PCSK2: variants seen among roughly 807,000 people sequenced by gnomAD.
PCSK2 encodes neuroendocrine convertase 2.
Under a neutral mutation model 69.7 loss-of-function variants are expected in PCSK2, and 14 were observed. That is an observed-to-expected ratio of 0.20 (90% CI 0.13 to 0.31). PCSK2 has a LOEUF of 0.31. Among genes scored for constraint, PCSK2 ranks in the 10% least tolerant of loss-of-function variants. The pLI, the probability that PCSK2 is intolerant of heterozygous loss-of-function variation, is 1.00. For synonymous variants in PCSK2, 307 were observed against 320.7 expected, an observed-to-expected ratio of 0.96 and a Z score of 0.46; for missense variants, 544 against 842.5, an observed-to-expected ratio of 0.65 and a Z score of 4.39.
intron 11 of PCSK2, among the ~76,000 whole-genome samples, chr20:17,471,688 C>A (rs898903800): frequency 6.6e-6 from 1 of 152,224 alleles, no homozygotes; most frequent in African/African-American, 2.4e-5. Flanking sequence ...CACCCCCACA[C>A]CAGAACTTGT....
intron 11 of PCSK2, among the ~76,000 whole-genome samples, chr20:17,478,558 T>C (rs2033333173): frequency 6.6e-6 from 1 of 152,208 alleles, no homozygotes; most frequent in South Asian, 2.1e-4. Flanking sequence ...TTAATCATAG[T>C]TGTTACTATG....
At chr20:17,443,875 T>A (rs574938708) in intron 8 of PCSK2, among the ~76,000 whole-genome samples, 39 of 152,350 alleles carry the variant, frequency 2.6e-4, no homozygotes, top group African/African-American at 8.7e-4. Flanking sequence ...AGCAAGTACA[T>A]CTTTTAGAAA....
intron 5 of PCSK2, among the ~76,000 whole-genome samples, chr20:17,396,920 C>T (rs899433891): frequency 6.6e-6 from 1 of 152,164 alleles, no homozygotes; most frequent in Non-Finnish European, 1.5e-5. Flanking sequence ...TCCAACCAGG[C>T]TGGAACAAGG....
At chr20:17,433,340 A>G (rs1028880820) in intron 7 of PCSK2, among the ~76,000 whole-genome samples, 2 of 152,268 alleles carry the variant, frequency 1.3e-5, no homozygotes, top group African/African-American at 4.8e-5. Context: ...CACTGTAAGT[A>G]CAATGACTAA....
At chr20:17,316,313 CG>C (rs201280982) in intron 2 of PCSK2, among the ~76,000 whole-genome samples, 2 of 152,172 alleles carry the variant, frequency 1.3e-5, no homozygotes, top group East Asian at 3.8e-4. Flanking sequence ...CCAAGGGTGC[CG>C]TCTGTTATCT....
rs184871306 is a variant in PCSK2, at chr20:17,447,925, T to G, written c.886-5817T>G. On this transcript the variant is annotated intron_variant, in intron 8 of 11. Transcript: ENST00000262545. ...CCCAATTTCACTTTCAAGCCCGTTC[T>G]TATACTTTGCATTTATATGTAAAAT... 4.6e-5 allele frequency among the ~76,000 whole-genome samples: 7 copies of G among 152,346 alleles called. No individual in the cohort carries two copies. The East Asian group carries it at 1.3e-3, about 29-fold the overall frequency.
At chr20:17,292,583 G>A (rs1442720625) in intron 2 of PCSK2, among the ~76,000 whole-genome samples, 2 of 152,050 alleles carry the variant, frequency 1.3e-5, no homozygotes, top group Non-Finnish European at 2.9e-5. Context: ...TCAAATATTT[G>A]GATTCAATTT....
At chr20:17,298,257 G>A (rs1401675458) in intron 2 of PCSK2, among the ~76,000 whole-genome samples, 2 of 152,128 alleles carry the variant, frequency 1.3e-5, no homozygotes, top group Non-Finnish European at 2.9e-5. Flanking sequence ...TAGAGGTGGG[G>A]TTTTTATGCT....
At chr20:17,300,589 G>A (rs1382702644) in intron 2 of PCSK2, among the ~76,000 whole-genome samples, 1 of 152,218 alleles carries the variant, frequency 6.6e-6, no homozygotes, top group African/African-American at 2.4e-5. Context: ...CCAACTCGCT[G>A]TCTCTCTGGA....
At chr20:17,443,488 C>A (rs1204584838) in intron 8 of PCSK2, among the ~76,000 whole-genome samples, 1 of 152,140 alleles carries the variant, frequency 6.6e-6, no homozygotes, top group East Asian at 1.9e-4. Flanking sequence ...ATCCAAGCCC[C>A]AGACCAGGTG....
At chr20:17,428,736 C>T (rs138995892) in intron 6 of PCSK2, among the ~76,000 whole-genome samples, 1 of 152,170 alleles carries the variant, frequency 6.6e-6, no homozygotes, top group East Asian at 1.9e-4. Context: ...CAGCAGCTCA[C>T]AGCTGTAATC....
chr20:17,299,207 T>C (rs879542437), intron 2 of PCSK2, among the ~76,000 whole-genome samples: 4 of 152,194 alleles, frequency 2.6e-5, no homozygotes, highest in Admixed American at 2.6e-4. Flanking sequence ...TTTTAAGCCA[T>C]GAGGATTTAT....
At chr20:17,428,040 T>C (rs573176285) in intron 6 of PCSK2, among the ~76,000 whole-genome samples, 1 of 152,314 alleles carries the variant, frequency 6.6e-6, no homozygotes, top group East Asian at 1.9e-4. Flanking sequence ...GAAACCTCTA[T>C]TTATGGCTGA....
intron 7 of PCSK2, among the ~76,000 whole-genome samples, chr20:17,430,888 TAA>T (rs1479468622): frequency 1.3e-5 from 2 of 152,198 alleles, no homozygotes; most frequent in Non-Finnish European, 2.9e-5. Flanking sequence ...CTGCAAAAGT[TAA>T]AAGAGTTAGG....
intron 2 of PCSK2, among the ~76,000 whole-genome samples, chr20:17,345,734 T>C (rs1279174715): frequency 6.6e-6 from 1 of 152,156 alleles, no homozygotes; most frequent in African/African-American, 2.4e-5. Context: ...AATTCGGTGC[T>C]CTTTCACTGA....
At chr20:17,321,637 T>C (rs1296948890) in intron 2 of PCSK2, among the ~76,000 whole-genome samples, 1 of 152,228 alleles carries the variant, frequency 6.6e-6, no homozygotes, top group Non-Finnish European at 1.5e-5. Flanking sequence ...TCCTCTATTT[T>C]CTTGTAATTT....
rs977233947 is a variant in PCSK2 at position 17,483,435 on chromosome 20, A to T, written c.*1365A>T. On this transcript the variant is annotated 3_prime_UTR_variant, in exon 12 of 12. Transcript: ENST00000262545. ...TCCATTCCCAACTAGACATTACCAA[A>T]GTGACCTACCCAGAGATTGCTTCTC... is the stretch of plus-strand genomic sequence containing the variant. 7 of 152,300 alleles carry T rather than the reference A, an allele frequency of 4.6e-5. No individual in the cohort carries two copies. The highest frequency in any genetic ancestry group is 1.7e-4 in the African/African-American group (7 of 41,458). 9.4% of individuals were successfully genotyped at this position (152,300 alleles called of 1,614,324 possible). A position where few individuals can be genotyped will look rare whatever the true frequency, so the allele number is the denominator to read the frequency against.
At chr20:17,378,429 C>A (rs530446225) in intron 5 of PCSK2, among the ~76,000 whole-genome samples, 1 of 152,154 alleles carries the variant, frequency 6.6e-6, no homozygotes, top group Non-Finnish European at 1.5e-5. Flanking sequence ...TAAAGCCCTT[C>A]GACAGATTCT....
At chr20:17,401,780 T>C (rs568316401) in intron 5 of PCSK2, among the ~76,000 whole-genome samples, 1 of 152,364 alleles carries the variant, frequency 6.6e-6, no homozygotes, top group South Asian at 2.1e-4. Flanking sequence ...CTAATAATAC[T>C]GTTGTTTGTA....
Sources: allele counts gnomAD v4.1 joint callset (sites outside exome capture counted in the v4.1 genomes callset), GRCh38; gene constraint gnomAD v4.1.1; transcripts MANE v1.5; gene names NCBI Gene and HGNC (gene_info 2026-07-23, HGNC 2026-07-21).